Variants in GRID2 observed in about 807,000 individuals in gnomAD.
The protein encoded by GRID2 is glutamate receptor ionotropic, delta-2.
A neutral mutation model predicts 114.8 loss-of-function variants in GRID2; 33 were observed. That is an observed-to-expected ratio of 0.29 (90% CI 0.22 to 0.38). GRID2 has a LOEUF of 0.38. GRID2 is among the 10% of genes least tolerant of loss of function. GRID2 has a pLI of 1.00. For missense variants in GRID2, 1,184 were observed against 1,257.7 expected (o/e 0.94, Z 0.89); for synonymous variants, 505 against 449.9 (o/e 1.12, Z -1.55).
intron 4 of GRID2, among the ~76,000 whole-genome samples, chr4:93,140,040 C>G (rs1353158805): frequency 6.6e-6 from 1 of 151,274 alleles, no homozygotes; most frequent in Non-Finnish European, 1.5e-5. Context: ...TATATGCAAA[C>G]AAAAAATATG....
In GRID2 at chr4:93,399,293, A is replaced by G. The variant is rs375440378; in HGVS notation, c.1347+3585A>G. 8.5e-5 allele frequency among the ~76,000 whole-genome samples: 13 copies of G among 152,164 alleles called. No individual in the cohort carries two copies. The East Asian group carries it at 1.7e-3, about 20-fold the overall frequency. ...TTTCTTAAGAAATTTTATATTATCA[A>G]TTACACCAGGTTAATAAAATGGATT... On this transcript the variant is annotated intron_variant, in intron 9 of 15. Transcript: ENST00000282020.
intron 1 of GRID2, among the ~76,000 whole-genome samples, chr4:92,557,041 C>T (rs17019562): frequency 0.44 from 67,182 of 151,854 alleles, 14,991 homozygotes; most frequent in Middle Eastern, 0.57. Flanking sequence ...ACAGAGAAAA[C>T]GATGCTGAAT....
chr4:92,362,277 C>A (rs1377027520), intron 1 of GRID2, among the ~76,000 whole-genome samples: 1 of 151,906 alleles, frequency 6.6e-6, no homozygotes, highest in African/African-American at 2.4e-5. Context: ...TCTGTTTTTG[C>A]TATTAGCAGA....
chr4:92,616,181 T>C (rs1420085140), intron 2 of GRID2, among the ~76,000 whole-genome samples: 1 of 151,642 alleles, frequency 6.6e-6, no homozygotes, highest in Non-Finnish European at 1.5e-5. Flanking sequence ...CAATAGATTC[T>C]CTCAGTATTT....
At chr4:93,529,850 G>A (rs1197408711) in intron 13 of GRID2, among the ~76,000 whole-genome samples, 1 of 152,096 alleles carries the variant, frequency 6.6e-6, no homozygotes, top group African/African-American at 2.4e-5. Context: ...ATACTTATCT[G>A]CTTGCTGCAA....
intron 13 of GRID2, among the ~76,000 whole-genome samples, chr4:93,608,248 A>C (rs113270382): frequency 0.04 from 5,569 of 140,192 alleles, 360 homozygotes; most frequent in African/African-American, 0.14. Flanking sequence ...TAGGGATTTT[A>C]TTATTTTATT....
intron 13 of GRID2, among the ~76,000 whole-genome samples, chr4:93,532,414 A>G (rs1220991192): frequency 1.3e-5 from 2 of 152,156 alleles, no homozygotes; most frequent in African/African-American, 2.4e-5. Context: ...TAATACCTTA[A>G]GCTTGAGCAC....
At chr4:92,978,660 T>A (rs577676954) in intron 2 of GRID2, among the ~76,000 whole-genome samples, 1 of 152,218 alleles carries the variant, frequency 6.6e-6, no homozygotes, top group East Asian at 1.9e-4. Flanking sequence ...AGATTAAAAA[T>A]GAAGGAGAAA....
At chr4:93,519,303 T>G (rs1334297851) in intron 13 of GRID2, among the ~76,000 whole-genome samples, 1 of 152,070 alleles carries the variant, frequency 6.6e-6, no homozygotes, top group African/African-American at 2.4e-5. Flanking sequence ...TGGAAGCCAG[T>G]TAGGAGGCCA....
chr4:93,632,404 G>A (rs1430197223), intron 14 of GRID2, among the ~76,000 whole-genome samples: 5 of 152,180 alleles, frequency 3.3e-5, no homozygotes, highest in Non-Finnish European at 2.9e-5. Context: ...TAAGGTGTAA[G>A]GAAGGGATCC....
chr4:93,539,979 T>A (rs1373669639), intron 13 of GRID2, among the ~76,000 whole-genome samples: 1 of 152,038 alleles, frequency 6.6e-6, no homozygotes, highest in East Asian at 1.9e-4. Flanking sequence ...ATTATTTTAC[T>A]GATGGATACT....
At chr4:92,866,759 G>T (rs1256057514) in intron 2 of GRID2, among the ~76,000 whole-genome samples, 1 of 151,522 alleles carries the variant, frequency 6.6e-6, no homozygotes, top group Non-Finnish European at 1.5e-5. Context: ...CACCGTGTTA[G>T]CCAGGATGGT....
intron 14 of GRID2, among the ~76,000 whole-genome samples, chr4:93,745,252 C>T (rs1034246126): frequency 6.6e-6 from 1 of 152,014 alleles, no homozygotes; most frequent in African/African-American, 2.4e-5. Context: ...ATCTCAAGAA[C>T]GTTAATTGCT....
At chr4:92,477,182 C>T (rs1483311822) in intron 1 of GRID2, among the ~76,000 whole-genome samples, 1 of 151,724 alleles carries the variant, frequency 6.6e-6, no homozygotes, top group African/African-American at 2.4e-5. Context: ...GCAGTGCAGG[C>T]ACTTGAAAAC....
At chr4:93,077,949 A>T (rs1442486380) in intron 2 of GRID2, among the ~76,000 whole-genome samples, 3 of 152,234 alleles carry the variant, frequency 2.0e-5, no homozygotes, top group African/African-American at 4.8e-5. Context: ...GACTAAAGGC[A>T]GTTAAATAAA....
In GRID2 at chr4:92,950,259, T is replaced by C. The variant is rs568081514; in HGVS notation, c.245-134736T>C. On this transcript the variant is annotated intron_variant, in intron 2 of 15. Transcript: ENST00000282020. ...AATTTTTGCCTGTTGGCTCAAAATA[T>C]GTGTTTGGAGATTTTCTCCCTGACC... Among the ~76,000 whole-genome samples the C allele has an allele frequency of 2.6e-5, 4 of 152,268 alleles. No homozygotes were observed. In the East Asian group the frequency reaches 5.8e-4, roughly 22 times the overall value.
intron 2 of GRID2, among the ~76,000 whole-genome samples, chr4:92,996,535 G>C (rs1429608646): frequency 6.6e-6 from 1 of 152,082 alleles, no homozygotes; most frequent in African/African-American, 2.4e-5. Flanking sequence ...TAACACTACA[G>C]TGTACATTTG....
intron 1 of GRID2, among the ~76,000 whole-genome samples, chr4:92,558,675 C>G (rs1243556742): frequency 1.3e-5 from 2 of 152,110 alleles, no homozygotes; most frequent in East Asian, 3.8e-4. Context: ...ATCAAAGGCA[C>G]CAACAGATGC....
Position 93,540,466 on chromosome 4 carries a change from T to G in GRID2, c.2193+25055T>G, listed in dbSNP as rs1006895935. Among the ~76,000 whole-genome samples, 7 of 152,070 alleles carry G rather than the reference T, an allele frequency of 4.6e-5. 1 individual carries two copies. Among genetic ancestry groups the G allele is most frequent in the Admixed American group, 4.6e-4 (7 of 15,242 alleles). Reference sequence around the variant, plus strand: ...GAACCAAGAAGTTAATTGGCAGCTCTGAAAAACAACTAGGCATAAAAAGAG... The same window carrying G: ...GAACCAAGAAGTTAATTGGCAGCTCGGAAAAACAACTAGGCATAAAAAGAG... On this transcript the variant is annotated intron_variant, in intron 13 of 15. Coordinates refer to ENST00000282020, the MANE Select transcript of GRID2 (RefSeq NM_001510.4).
Sources: allele counts gnomAD v4.1 joint callset (sites outside exome capture counted in the v4.1 genomes callset), GRCh38; gene constraint gnomAD v4.1.1; transcripts MANE v1.5; gene names NCBI Gene and HGNC (gene_info 2026-07-23, HGNC 2026-07-21).